SPATA45: variants seen among roughly 807,000 people sequenced by gnomAD.
SPATA45 encodes the protein spermatogenesis-associated protein 45.
In SPATA45, 5 loss-of-function variants were observed where a neutral mutation model predicts 7.0. The ratio of observed to expected loss-of-function variants is 0.71; its 90% CI spans 0.37 to 1.50. The LOEUF (loss-of-function observed/expected upper bound fraction) is 1.50, where lower values mean the gene tolerates loss of function less well. SPATA45 is among the 40% of genes most tolerant of loss of function. The pLI, the probability that SPATA45 is intolerant of heterozygous loss-of-function variation, is 0.03. For missense variants in SPATA45, 111 were observed against 114.9 expected (o/e 0.97, Z 0.16); for synonymous variants, 40 against 38.7 (o/e 1.03, Z -0.13).
Position 212,836,909 on chromosome 1 carries a change from G to A in SPATA45, c.-38-722C>T, listed in dbSNP as rs981829436. On this transcript the variant is annotated intron_variant, in intron 1 of 2. Transcript: ENST00000332912. The stretch of plus-strand genomic sequence containing the variant: ...CCTGAAGTTGTGATCCACCCGCCTC[G>A]GCCTCCCAAAGTGCTGGGATTACAG... 9.5e-5 allele frequency among the ~76,000 whole-genome samples: 14 copies of A among 147,436 alleles called. 1 individual carries two copies. The highest frequency in any genetic ancestry group is 6.6e-4 in the South Asian group (3 of 4,556).
intron 2 of SPATA45, among the ~76,000 whole-genome samples, chr1:212,832,907 G>A (rs528597983): frequency 6.6e-6 from 1 of 151,632 alleles, no homozygotes; most frequent in East Asian, 1.9e-4. Flanking sequence ...AACGTTTCCT[G>A]AGTTCCTAAT....
intron 1 of SPATA45, among the ~76,000 whole-genome samples, chr1:212,843,786 TTAAC>T (rs1401691363): frequency 6.6e-6 from 1 of 152,200 alleles, no homozygotes; most frequent in East Asian, 1.9e-4. Flanking sequence ...AGTAATATGT[TTAAC>T]TAATGACTTT....
chr1:212,846,167 C>T lies in SPATA45; in HGVS notation c.-39+1413G>A, dbSNP rs1319082727. Reference sequence around the variant, plus strand: ...CCAATCATTCTATACGACAAATGCCCCTTCTAACAAGCCCATAATATCACC... The same window carrying T: ...CCAATCATTCTATACGACAAATGCCTCTTCTAACAAGCCCATAATATCACC... On this transcript the variant is annotated intron_variant, in intron 1 of 2. Coordinates refer to ENST00000332912, the MANE Select transcript of SPATA45 (RefSeq NM_001024601.3). Among the ~76,000 whole-genome samples the T allele has an allele frequency of 3.3e-5, 5 of 152,106 alleles. No homozygotes were observed. In the East Asian group the frequency reaches 9.6e-4, roughly 29 times the overall value.
chr1:212,844,097 T>G (rs1391170366), intron 1 of SPATA45, among the ~76,000 whole-genome samples: 1 of 152,202 alleles, frequency 6.6e-6, no homozygotes, highest in Non-Finnish European at 1.5e-5. Context: ...CAGGGCTGTG[T>G]GGTCAGAATT....
chr1:212,832,600 T>A (rs1410635177), intron 2 of SPATA45, among the ~76,000 whole-genome samples: 1 of 151,578 alleles, frequency 6.6e-6, no homozygotes, highest in Non-Finnish European at 1.5e-5. Flanking sequence ...TATATATTCG[T>A]TGAATGAATA....
chr1:212,835,688 T>A (rs1663573424), intron 2 of SPATA45, among the ~76,000 whole-genome samples, 185 bp downstream of exon 2: 1 of 150,122 alleles, frequency 6.7e-6, no homozygotes, highest in South Asian at 2.1e-4. Context: ...ACAAAAAAAT[T>A]AGCCAGGCGT....
At chr1:212,839,129 T>TTA (rs71147035) in intron 1 of SPATA45, among the ~76,000 whole-genome samples, 40,491 of 144,430 alleles carry the variant, frequency 0.28, 7,782 homozygotes, top group Non-Finnish European at 0.39. Context: ...TTTATATATA[T>TTA]TATATATATA....
intron 1 of SPATA45, among the ~76,000 whole-genome samples, chr1:212,840,871 G>A (rs1207627497): frequency 6.6e-6 from 1 of 152,100 alleles, no homozygotes. Flanking sequence ...GCCCGCCTTG[G>A]CCTCCCAAAG....
chr1:212,846,796 C>T lies in SPATA45; in HGVS notation c.-39+784G>A, dbSNP rs568877505. ...CTGTTTGGTGGTCTCTTCACATGGACGCACGTGACAAAAGGGGCTTTGAAG... is the reference window on the plus strand; with the variant it reads ...CTGTTTGGTGGTCTCTTCACATGGATGCACGTGACAAAAGGGGCTTTGAAG... On this transcript the variant is annotated intron_variant, in intron 1 of 2. Coordinates refer to ENST00000332912, the MANE Select transcript of SPATA45 (RefSeq NM_001024601.3). Among the ~76,000 whole-genome samples, 583 of 152,270 alleles carry T rather than the reference C, an allele frequency of 3.8e-3. 9 individuals carry two copies. The highest frequency in any genetic ancestry group is 0.013 in the African/African-American group (553 of 41,556).
At chr1:212,835,723 C>T in intron 2 of SPATA45, 150 bp downstream of exon 2, 2 of 679,570 alleles carry the variant, frequency 2.9e-6, no homozygotes, top group Non-Finnish European at 4.6e-6. Flanking sequence ...GTATTCCCAG[C>T]TACCTGGGAG....
intron 1 of SPATA45, among the ~76,000 whole-genome samples, chr1:212,837,056 T>C (rs1663599240): frequency 6.7e-6 from 1 of 148,628 alleles, no homozygotes; most frequent in African/African-American, 2.4e-5. Context: ...TAAGAGGATA[T>C]ATTATTGTTT....
At chr1:212,837,107 A>G (rs1226302682) in intron 1 of SPATA45, among the ~76,000 whole-genome samples, 8 of 147,712 alleles carry the variant, frequency 5.4e-5, no homozygotes, top group Non-Finnish European at 1.1e-4. Flanking sequence ...TTTTAGAAGC[A>G]TTATTTCTTC....
intron 1 of SPATA45, among the ~76,000 whole-genome samples, chr1:212,843,987 C>T (rs527913170): frequency 2.2e-4 from 33 of 152,196 alleles, no homozygotes; most frequent in African/African-American, 7.7e-4. Context: ...AATCCTTTCC[C>T]CACTCTCCTT....
At chr1:212,841,853 G>A (rs1219658223) in intron 1 of SPATA45, among the ~76,000 whole-genome samples, 1 of 151,908 alleles carries the variant, frequency 6.6e-6, no homozygotes, top group East Asian at 2.0e-4. Flanking sequence ...TGCCTCCTGG[G>A]TTCAAGAGGT....
At chr1:212,836,237 C>A (rs1663582455) in intron 1 of SPATA45, 50 bp from the exon 2 acceptor site, 7 of 1,350,612 alleles carry the variant, frequency 5.2e-6, no homozygotes, top group Non-Finnish European at 7.1e-6. Flanking sequence ...ACTCAGAAGC[C>A]AGTATTCACA....
rs920614625 is a variant in SPATA45 at position 212,838,271 on chromosome 1, T to A, written c.-38-2084A>T. Reference sequence around the variant, plus strand: ...GTGAGTCAAGATCATAGCACTACACTCCAGCTTGGGCGGCAGAGCAGGACT... The same window carrying A: ...GTGAGTCAAGATCATAGCACTACACACCAGCTTGGGCGGCAGAGCAGGACT... On this transcript the variant is annotated intron_variant, in intron 1 of 2. Coordinates refer to ENST00000332912, the MANE Select transcript of SPATA45 (RefSeq NM_001024601.3). Among the ~76,000 whole-genome samples the A allele has an allele frequency of 2.7e-5, 4 of 146,836 alleles. 1 individual carries two copies. The Admixed American group carries it at 2.8e-4, about 10-fold the overall frequency.
intron 1 of SPATA45, among the ~76,000 whole-genome samples, chr1:212,842,932 C>CA (rs35856086): frequency 0.45 from 60,979 of 136,562 alleles, 13,899 homozygotes; most frequent in Non-Finnish European, 0.54. Flanking sequence ...ACTAAAAATA[C>CA]AAAAAAAAAA....
At chr1:212,832,615 G>A (rs1008180578) in intron 2 of SPATA45, among the ~76,000 whole-genome samples, 1 of 151,566 alleles carries the variant, frequency 6.6e-6, no homozygotes, top group African/African-American at 2.4e-5. Context: ...TGAATAAAGA[G>A]TAAATGAGTG....
In SPATA45 at chr1:212,835,989, G is replaced by T; in HGVS notation, c.161C>A (p.Ala54Asp). 1 of 1,611,050 alleles carries T rather than the reference G, an allele frequency of 6.2e-7. No individual in the cohort carries two copies. The highest frequency in any genetic ancestry group is 2.2e-5 in the East Asian group (1 of 44,816). The change falls in exon 2 of 3, where the codon GCC becomes GAC. Residue 54 changes from alanine (A) to aspartate (D), a missense_variant. Ala to Asp is a moderately radical substitution (Grantham distance 126). Coordinates refer to ENST00000332912, the MANE Select transcript of SPATA45 (RefSeq NM_001024601.3). Reference protein sequence around the residue: ...LRVQKRHFPDAYQSFTDTTTK... With the variant: ...LRVQKRHFPDDYQSFTDTTTK... ...TGTGGTATCAGTAAAGGACTGATAG[G>T]CATCCGGGAAGTGCCTCTTTTGAAC...
Sources: allele counts gnomAD v4.1 joint callset (sites outside exome capture counted in the v4.1 genomes callset), GRCh38; gene constraint gnomAD v4.1.1; transcripts MANE v1.5; gene names NCBI Gene and HGNC (gene_info 2026-07-23, HGNC 2026-07-21).